Variants in INTS2 observed in about 807,000 individuals in gnomAD.
INTS2 encodes the protein KIAA1287.
A neutral mutation model predicts 139.6 loss-of-function variants in INTS2; 57 were observed. That is an observed-to-expected ratio of 0.41 (90% CI 0.33 to 0.51). The LOEUF is 0.51. Among genes scored for constraint, INTS2 ranks in the 20% least tolerant of loss-of-function variants. The pLI is 0.28. For synonymous variants in INTS2, 473 were observed against 493.4 expected, an observed-to-expected ratio of 0.96 and a Z score of 0.55; for missense variants, 1,196 against 1,436.7, an observed-to-expected ratio of 0.83 and a Z score of 2.71.
chr17:61,927,571 G>C, intron 1 of INTS2, 83 bp downstream of exon 1: 1 of 1,042,558 alleles, frequency 9.6e-7, no homozygotes, highest in Non-Finnish European at 1.2e-6. Context: ...GAACCAATAA[G>C]TCCCTCAGGC....
At chr17:61,878,968 C>G (rs2079152380) in intron 17 of INTS2, among the ~76,000 whole-genome samples, 1 of 144,006 alleles carries the variant, frequency 6.9e-6, no homozygotes, top group South Asian at 2.2e-4. Context: ...TTTACTGACC[C>G]GAAGACTAAT....
In INTS2 at chr17:61,875,932, G is replaced by A. The variant is rs1197605336; in HGVS notation, c.2457-894C>T. On this transcript the variant is annotated intron_variant, in intron 18 of 24. Coordinates refer to ENST00000251334, the MANE Select transcript of INTS2 (RefSeq NM_001351695.2). The surrounding 1 kb of genome is among the most constrained non-coding windows in gnomAD (Gnocchi z 4.6). ...CTGTGAAATCCCAGCACTTTGGGAG[G>A]CTGAGGCAGAAGGTTCGCTTGAGCC... 6.6e-6 allele frequency among the ~76,000 whole-genome samples: 1 copy of A among 152,150 alleles called. No homozygotes were observed. Among genetic ancestry groups the A allele is most frequent in the African/African-American group, 2.4e-5 (1 of 41,434 alleles).
chr17:61,894,805 A>C (rs890143215), intron 12 of INTS2, among the ~76,000 whole-genome samples: 1 of 151,792 alleles, frequency 6.6e-6, no homozygotes, highest in African/African-American at 2.4e-5. Flanking sequence ...CTATGACCAT[A>C]CCACTGTATA....
rs530463362 is a variant in INTS2 at position 61,917,589 on chromosome 17, G to T, written c.649+1811C>A. On this transcript the variant is annotated intron_variant, in intron 5 of 24. Coordinates refer to ENST00000251334, the MANE Select transcript of INTS2 (RefSeq NM_001351695.2). The stretch of plus-strand genomic sequence containing the variant: ...GGGAGTTAAACATTGGGTACACATG[G>T]ACATAAAGATGGGAACAATGGACAC... Among the ~76,000 whole-genome samples, 9 of 152,236 alleles carry T rather than the reference G, an allele frequency of 5.9e-5. No individual in the cohort carries two copies. The South Asian group carries it at 1.4e-3, about 25-fold the overall frequency.
chr17:61,917,579 G>A (rs1475944685), intron 5 of INTS2, among the ~76,000 whole-genome samples: 1 of 152,064 alleles, frequency 6.6e-6, no homozygotes, highest in Non-Finnish European at 1.5e-5. Flanking sequence ...TTAAACATTG[G>A]GTACACATGG....
intron 17 of INTS2, among the ~76,000 whole-genome samples, chr17:61,879,398 CAACT>C (rs1261346072): frequency 6.6e-6 from 1 of 152,126 alleles, no homozygotes; most frequent in Non-Finnish European, 1.5e-5. Context: ...TCTCCAATAA[CAACT>C]AACCACATCT....
At chr17:61,891,261 G>C (rs981010787) in intron 14 of INTS2, among the ~76,000 whole-genome samples, 1 of 151,662 alleles carries the variant, frequency 6.6e-6, no homozygotes, top group African/African-American at 2.4e-5. Flanking sequence ...GCAGTGAGCT[G>C]AGATCGCGCC....
In INTS2 at chr17:61,895,369, TG is replaced by T; in HGVS notation, c.1508del (p.Pro503GlnfsTer4). On this transcript the variant is annotated frameshift_variant, in exon 12 of 25. Coordinates refer to ENST00000251334, the MANE Select transcript of INTS2 (RefSeq NM_001351695.2). LOFTEE classifies it high-confidence loss of function. Reference sequence around the variant, plus strand: ...TTGTCTTCATCCTGCTCAAGGAGCTTGGCTTAATTACAATCTAAAATTACCA... The same window carrying T: ...TTGTCTTCATCCTGCTCAAGGAGCTTGCTTAATTACAATCTAAAATTACCA... ...STLGMKIVIK[P>X]SSLSRMKTIF... 6.3e-7 allele frequency: 1 copy of T among 1,577,908 alleles called. No homozygotes were observed. The highest frequency in any genetic ancestry group is 2.0e-5 in the Admixed American group (1 of 51,234).
chr17:61,907,540 CG>C lies in INTS2; in HGVS notation c.1048del (p.Arg350GlufsTer20). 2 of 1,594,778 alleles carry C rather than the reference CG, an allele frequency of 1.3e-6. No homozygotes were observed. Among genetic ancestry groups the C allele is most frequent in the Non-Finnish European group, 1.7e-6 (2 of 1,170,354 alleles). On this transcript the variant is annotated frameshift_variant, in exon 8 of 25. Coordinates refer to ENST00000251334, the MANE Select transcript of INTS2 (RefSeq NM_001351695.2). LOFTEE classifies it high-confidence loss of function. The part of the protein sequence containing the change: ...MGILPTVRST[R>X]IVEEADVDME... ...ATCCACATCAGCTTCTTCCACAATT[CG>C]GGTGCTTCTTACTGTGGGAAGAATG...
intron 4 of INTS2, among the ~76,000 whole-genome samples, chr17:61,920,521 TG>T (rs112913046): frequency 1 from 141,297 of 141,316 alleles, 70,639 homozygotes; most frequent in Middle Eastern, 1. Flanking sequence ...AGAAAAGGTC[TG>T]CAGCCAGGCA....
chr17:61,888,393 A>G (rs2079251240), intron 15 of INTS2, among the ~76,000 whole-genome samples: 1 of 152,126 alleles, frequency 6.6e-6, no homozygotes, highest in Non-Finnish European at 1.5e-5. Context: ...GAAATGAACT[A>G]TACACATGTA....
At chr17:61,883,311 G>A (rs79589556) in intron 16 of INTS2, among the ~76,000 whole-genome samples, 5 of 145,986 alleles carry the variant, frequency 3.4e-5, no homozygotes, top group South Asian at 2.2e-4. Flanking sequence ...TCAGGAGTTC[G>A]AGACTAGCCT....
At chr17:61,883,396 G>C (rs2079195260) in intron 16 of INTS2, among the ~76,000 whole-genome samples, 1 of 150,814 alleles carries the variant, frequency 6.6e-6, no homozygotes, top group African/African-American at 2.4e-5. Context: ...AATACATGCT[G>C]CAGACATCCG....
chr17:61,920,310 T>C (rs1032398764), intron 4 of INTS2, among the ~76,000 whole-genome samples: 10 of 149,520 alleles, frequency 6.7e-5, no homozygotes, highest in African/African-American at 1.7e-4. Context: ...GCCGCCCGAA[T>C]ACCTGGGATT....
intron 5 of INTS2, among the ~76,000 whole-genome samples, chr17:61,912,368 GGGGGC>G (rs1281895387): frequency 4.4e-4 from 35 of 79,722 alleles, no homozygotes; most frequent in African/African-American, 1.4e-3. Flanking sequence ...AGGCCAAGGT[GGGGGC>G]GGGGGGGGGG....
At position 61,919,495 on chromosome 17, in the gene INTS2, G is replaced by A; in HGVS notation, c.554C>T (p.Pro185Leu). The A allele has an allele frequency of 1.9e-6, 3 of 1,587,050 alleles. No homozygotes were observed. The highest frequency in any genetic ancestry group is 2.6e-6 in the Non-Finnish European group (3 of 1,163,466). Residue 185 changes from proline to leucine, a missense_variant, in exon 5 of 25, where the codon CCT (proline) becomes CTT (leucine). By Grantham distance (98) the Pro-to-Leu change is moderately conservative (BLOSUM62 -3). Transcript: ENST00000251334. The part of the protein sequence containing the change: ...ILQAELPSLL[P>L]IVDVAEALLH... The stretch of plus-strand genomic sequence containing the variant: ...CAAAGCTTCAGCTACATCAACTATA[G>A]GGAGCAAGGAAGGGAGCTCTACAAG...
At chr17:61,899,372 TC>T (rs1300065312) in intron 9 of INTS2, among the ~76,000 whole-genome samples, 1 of 152,104 alleles carries the variant, frequency 6.6e-6, no homozygotes, top group African/African-American at 2.4e-5. Context: ...TGCCTCAGCC[TC>T]CCGAGCAGCT....
intron 16 of INTS2, 52 bp downstream of exon 16, chr17:61,884,849 G>A: frequency 9.1e-7 from 1 of 1,103,838 alleles, no homozygotes; most frequent in Non-Finnish European, 1.3e-6. Context: ...ATTATAAACA[G>A]AAAGGTTTTT....
chr17:61,872,476 A>G lies in INTS2; in HGVS notation c.2583-16T>C, dbSNP rs2079097198. On this transcript the variant is annotated splice_polypyrimidine_tract_variant and intron_variant, in intron 19 of 24. Transcript: ENST00000251334. The surrounding 1 kb of genome is among the most constrained non-coding windows in gnomAD (Gnocchi z 4.8). ...TGGGGGGCATCTAAACAAGGAAAGC[A>G]GAAAAGAAAAATATATCAGAAAGAA... 4 of 1,482,770 alleles carry G rather than the reference A, an allele frequency of 2.7e-6. No homozygotes were observed. In the African/African-American group the frequency reaches 5.6e-5, roughly 21 times the overall value. 91.9% of individuals were successfully genotyped at this position (1,482,770 alleles called of 1,614,324 possible).
Sources: allele counts gnomAD v4.1 joint callset (sites outside exome capture counted in the v4.1 genomes callset), GRCh38; gene constraint gnomAD v4.1.1; non-coding constraint Gnocchi (gnomAD v3.1); transcripts MANE v1.5; gene names NCBI Gene and HGNC (gene_info 2026-07-23, HGNC 2026-07-21).